Variants in BMPER observed in about 807,000 individuals in gnomAD.
The protein encoded by BMPER is BMP binding endothelial regulator.
Under a neutral mutation model 87.3 loss-of-function variants are expected in BMPER, and 45 were observed. The observed-to-expected ratio is 0.52, with a 90% confidence interval of 0.41 to 0.66. The LOEUF is 0.66. BMPER is among the 30% of genes least tolerant of loss of function. BMPER has a pLI of 0.00. For synonymous variants in BMPER, 326 were observed against 316.2 expected, an observed-to-expected ratio of 1.03 and a Z score of -0.33; for missense variants, 784 against 867.5, an observed-to-expected ratio of 0.90 and a Z score of 1.21.
At chr7:34,053,056 A>G (rs543064077) in intron 8 of BMPER, among the ~76,000 whole-genome samples, 1 of 152,264 alleles carries the variant, frequency 6.6e-6, no homozygotes, top group Admixed American at 6.5e-5. Flanking sequence ...TTGATGAAAC[A>G]TATCACACTC....
At chr7:34,013,903 T>C (rs530408764) in intron 6 of BMPER, among the ~76,000 whole-genome samples, 1 of 152,072 alleles carries the variant, frequency 6.6e-6, no homozygotes, top group East Asian at 1.9e-4. Context: ...CTTTTAAAAA[T>C]GAAAATCTAA....
intron 6 of BMPER, among the ~76,000 whole-genome samples, chr7:33,985,890 C>A (rs1283518785): frequency 6.6e-6 from 1 of 152,108 alleles, no homozygotes; most frequent in Non-Finnish European, 1.5e-5. Flanking sequence ...TGCCATTTGA[C>A]CTTAGTATGC....
rs556911410 is a variant in BMPER at position 33,970,226 on chromosome 7, T to A, written c.403-103T>A. On this transcript the variant is annotated intron_variant, in intron 4 of 14. Transcript: ENST00000649409. ...TCGCCCTGACACCCACCAAACCTTG[T>A]GGTTTTTGTGCTTGAGCACTTCTCC... 15 of 1,159,284 alleles carry A rather than the reference T, an allele frequency of 1.3e-5. No individual in the cohort carries two copies. In the Admixed American group the frequency reaches 2.6e-4, roughly 20 times the overall value. 71.8% of individuals were successfully genotyped at this position (1,159,284 alleles called of 1,614,324 possible). A position where few individuals can be genotyped will look rare whatever the true frequency, so the allele number is the denominator to read the frequency against.
At chr7:34,127,592 CTCA>C (rs1245975224) in intron 13 of BMPER, among the ~76,000 whole-genome samples, 1 of 152,118 alleles carries the variant, frequency 6.6e-6, no homozygotes, top group African/African-American at 2.4e-5. Flanking sequence ...TAAATACAAA[CTCA>C]TCATCTCTCC....
rs1027562983 is a variant in BMPER, at chr7:33,984,348, C to T, written c.576+9564C>T. 3.9e-5 allele frequency among the ~76,000 whole-genome samples: 6 copies of T among 151,990 alleles called. No homozygotes were observed. The East Asian group carries it at 1.2e-3, about 29-fold the overall frequency. On this transcript the variant is annotated intron_variant, in intron 6 of 14. Coordinates refer to ENST00000649409, the MANE Select transcript of BMPER (RefSeq NM_001365308.1). ...GGGCATGGTGGTGCGTGCCTGTAATCCCAGCTATTCAAGAGGCTGAGGCAG... is the reference window on the plus strand; with the variant it reads ...GGGCATGGTGGTGCGTGCCTGTAATTCCAGCTATTCAAGAGGCTGAGGCAG...
intron 3 of BMPER, among the ~76,000 whole-genome samples, chr7:33,955,039 A>C (rs1785117747): frequency 1.3e-5 from 2 of 152,164 alleles, no homozygotes; most frequent in African/African-American, 4.8e-5. Flanking sequence ...CTGGGATTAC[A>C]GGTGCCTGCC....
intron 3 of BMPER, among the ~76,000 whole-genome samples, chr7:33,945,033 C>T (rs1188967349): frequency 6.6e-6 from 1 of 152,044 alleles, no homozygotes; most frequent in African/African-American, 2.4e-5. Flanking sequence ...GCTCCACCTC[C>T]TGGGTTCACA....
intron 3 of BMPER, among the ~76,000 whole-genome samples, chr7:33,955,873 C>G (rs745397396): frequency 2.6e-5 from 4 of 152,132 alleles, no homozygotes; most frequent in Non-Finnish European, 4.4e-5. Context: ...GATGGACACA[C>G]AGATCGGCGG....
At chr7:33,911,842 AT>A (rs1429410228) in intron 2 of BMPER, among the ~76,000 whole-genome samples, 1 of 152,212 alleles carries the variant, frequency 6.6e-6, no homozygotes, top group African/African-American at 2.4e-5. Context: ...GTTGTTGATG[AT>A]GGCATTATTT....
chr7:34,079,760 T>C (rs1585810361), intron 12 of BMPER, among the ~76,000 whole-genome samples: 1 of 152,298 alleles, frequency 6.6e-6, no homozygotes, highest in Admixed American at 6.5e-5. Context: ...AGTAGCCATA[T>C]TCCACGTGGC....
At chr7:33,955,033 G>T (rs1173693674) in intron 3 of BMPER, among the ~76,000 whole-genome samples, 1 of 152,268 alleles carries the variant, frequency 6.6e-6, no homozygotes, top group South Asian at 2.1e-4. Flanking sequence ...GAGTAGCTGG[G>T]ATTACAGGTG....
At chr7:33,944,654 G>C (rs1784840746) in intron 3 of BMPER, among the ~76,000 whole-genome samples, 1 of 152,094 alleles carries the variant, frequency 6.6e-6, no homozygotes, top group Non-Finnish European at 1.5e-5. Flanking sequence ...AGTCTCTTAA[G>C]AAATTTGAGT....
chr7:33,988,113 T>G (rs1025139604), intron 6 of BMPER, among the ~76,000 whole-genome samples: 1 of 152,222 alleles, frequency 6.6e-6, no homozygotes, highest in African/African-American at 2.4e-5. Context: ...ATATCTTAAT[T>G]TTTTTCATGC....
chr7:34,059,935 T>G (rs1047460693), intron 10 of BMPER, among the ~76,000 whole-genome samples: 2 of 152,118 alleles, frequency 1.3e-5, no homozygotes, highest in Admixed American at 1.3e-4. Context: ...GAGTGCCATT[T>G]GTGAGAAGGG....
chr7:34,130,056 C>T (rs1486910838), intron 13 of BMPER, among the ~76,000 whole-genome samples: 1 of 152,062 alleles, frequency 6.6e-6, no homozygotes, highest in East Asian at 1.9e-4. Context: ...TCTTGACCCC[C>T]TCCTCTCCTG....
At chr7:34,069,702 T>C (rs994028438) in intron 11 of BMPER, among the ~76,000 whole-genome samples, 13 of 152,326 alleles carry the variant, frequency 8.5e-5, no homozygotes, top group African/African-American at 2.9e-4. Flanking sequence ...CTTTTATACA[T>C]GACTAGTGGC....
At chr7:34,081,992 C>T (rs114582903) in intron 12 of BMPER, among the ~76,000 whole-genome samples, 127 of 152,198 alleles carry the variant, frequency 8.3e-4, no homozygotes, top group African/African-American at 2.8e-3. Context: ...ACAAAAAACC[C>T]AACTAGTGGT....
chr7:34,011,583 C>CAAAAAAA (rs36022297), intron 6 of BMPER, among the ~76,000 whole-genome samples: 20 of 45,746 alleles, frequency 4.4e-4, no homozygotes, highest in African/African-American at 1.3e-3. Flanking sequence ...TTGGTCAGGG[C>CAAAAAAA]AAAAAAAAAA....
At chr7:33,950,661 A>G (rs1257712063) in intron 3 of BMPER, among the ~76,000 whole-genome samples, 2 of 152,104 alleles carry the variant, frequency 1.3e-5, no homozygotes, top group African/African-American at 2.4e-5. Flanking sequence ...GGTCAGGCCC[A>G]CTCAGGATAA....
Sources: allele counts gnomAD v4.1 joint callset (sites outside exome capture counted in the v4.1 genomes callset), GRCh38; gene constraint gnomAD v4.1.1; transcripts MANE v1.5; gene names NCBI Gene and HGNC (gene_info 2026-07-23, HGNC 2026-07-21).